Variants in RORB observed in about 807,000 individuals in gnomAD.
The protein encoded by RORB is nuclear receptor ROR-beta.
In RORB, 6 loss-of-function variants were observed where a neutral mutation model predicts 59.1. That is an observed-to-expected ratio of 0.10 (90% confidence interval 0.06 to 0.20). RORB has a LOEUF of 0.20. RORB is among the 10% of genes least tolerant of loss of function. The pLI is 1.00. For missense variants in RORB, 320 were observed against 560.5 expected (o/e 0.57, Z 4.33); for synonymous variants, 215 against 204.5 (o/e 1.05, Z -0.44).
At chr9:74,649,370 T>C (rs1167782197) in intron 4 of RORB, among the ~76,000 whole-genome samples, 2 of 152,130 alleles carry the variant, frequency 1.3e-5, no homozygotes, top group African/African-American at 2.4e-5. Flanking sequence ...CCACAGAATA[T>C]CTCCCAAAGC....
At chr9:74,560,750 A>G (rs1822385409) in intron 1 of RORB, among the ~76,000 whole-genome samples, 1 of 152,044 alleles carries the variant, frequency 6.6e-6, no homozygotes, top group African/African-American at 2.4e-5. Flanking sequence ...ATGGTACGTG[A>G]TTATCACAGT....
chr9:74,592,222 T>C (rs1476826724), intron 1 of RORB, among the ~76,000 whole-genome samples: 3 of 152,202 alleles, frequency 2.0e-5, no homozygotes, highest in Non-Finnish European at 2.9e-5. Flanking sequence ...AGAGTTTACT[T>C]TCTTGCTAGA....
intron 1 of RORB, among the ~76,000 whole-genome samples, chr9:74,543,606 AT>A (rs146569177): frequency 9.3e-5 from 14 of 150,658 alleles, no homozygotes; most frequent in Non-Finnish European, 1.3e-4. Flanking sequence ...TTTGAGTTTA[AT>A]TTTTTTTTTA....
At chr9:74,543,964 C>T (rs1195360726) in intron 1 of RORB, among the ~76,000 whole-genome samples, 2 of 152,288 alleles carry the variant, frequency 1.3e-5, no homozygotes, top group Non-Finnish European at 1.5e-5. Flanking sequence ...AAACTAGACT[C>T]AAGCTGCTAG....
At chr9:74,645,615 T>C (rs536040925) in intron 4 of RORB, among the ~76,000 whole-genome samples, 22 of 152,320 alleles carry the variant, frequency 1.4e-4, no homozygotes, top group Admixed American at 1.2e-3. Flanking sequence ...GTTATTTTAA[T>C]TGACTATTAG....
At chr9:74,630,183 T>A (rs1458158431) in intron 1 of RORB, 99 bp from the exon 2 acceptor site, 1 of 1,473,484 alleles carries the variant, frequency 6.8e-7, no homozygotes, top group African/African-American at 1.4e-5. Context: ...TATTTTCAAA[T>A]ACAAACATCA....
At chr9:74,604,145 G>A (rs1005295105) in intron 1 of RORB, among the ~76,000 whole-genome samples, 1 of 152,078 alleles carries the variant, frequency 6.6e-6, no homozygotes, top group East Asian at 1.9e-4. Flanking sequence ...TCTCCAATAA[G>A]GCAGGACATA....
At chr9:74,518,153 C>T (rs1307181705) in intron 1 of RORB, among the ~76,000 whole-genome samples, 1 of 151,978 alleles carries the variant, frequency 6.6e-6, no homozygotes, top group Non-Finnish European at 1.5e-5. Flanking sequence ...TTCTGGGGTA[C>T]ACCTCCCTTA....
chr9:74,613,903 T>C (rs542558088), intron 1 of RORB, among the ~76,000 whole-genome samples: 1 of 152,344 alleles, frequency 6.6e-6, no homozygotes, highest in African/African-American at 2.4e-5. Flanking sequence ...TTAAAGGTCA[T>C]GATTTTATTA....
intron 1 of RORB, among the ~76,000 whole-genome samples, chr9:74,595,089 T>G (rs1822951699): frequency 6.6e-6 from 1 of 152,192 alleles, no homozygotes; most frequent in African/African-American, 2.4e-5. Flanking sequence ...GTTGAGTCAC[T>G]GTCCCAGAAA....
intron 4 of RORB, among the ~76,000 whole-genome samples, chr9:74,654,035 T>G (rs1343197049): frequency 6.6e-6 from 1 of 152,240 alleles, no homozygotes; most frequent in African/African-American, 2.4e-5. Context: ...TTAGGTAATT[T>G]GGATGACTTG....
chr9:74,518,463 A>G (rs902142393), intron 1 of RORB, among the ~76,000 whole-genome samples: 1 of 152,000 alleles, frequency 6.6e-6, no homozygotes, highest in African/African-American at 2.4e-5. Flanking sequence ...TTGCTATCTC[A>G]CAAAAGACAG....
chr9:74,619,941 G>C (rs1249944362), intron 1 of RORB, among the ~76,000 whole-genome samples: 1 of 152,132 alleles, frequency 6.6e-6, no homozygotes, highest in Non-Finnish European at 1.5e-5. Context: ...GATTCGGTTT[G>C]CCAGTATTTT....
intron 1 of RORB, among the ~76,000 whole-genome samples, chr9:74,579,084 A>G (rs1822680311): frequency 6.6e-6 from 1 of 152,114 alleles, no homozygotes; most frequent in Non-Finnish European, 1.5e-5. Context: ...ATTAAATTAT[A>G]TTTTTGAGAT....
chr9:74,599,597 G>A (rs574920973), intron 1 of RORB, among the ~76,000 whole-genome samples: 29 of 152,290 alleles, frequency 1.9e-4, no homozygotes, highest in African/African-American at 6.5e-4. Flanking sequence ...AAAAGGCTTT[G>A]TGAATGCTAA....
intron 1 of RORB, among the ~76,000 whole-genome samples, chr9:74,548,961 A>G (rs1826545843): frequency 6.6e-6 from 1 of 152,216 alleles, no homozygotes; most frequent in African/African-American, 2.4e-5. Context: ...TCTTTTAAAT[A>G]AAATATATTA....
intron 8 of RORB, among the ~76,000 whole-genome samples, chr9:74,668,297 G>A (rs371922919): frequency 5.3e-5 from 8 of 152,202 alleles, no homozygotes; most frequent in African/African-American, 1.9e-4. Flanking sequence ...CCAGAATGGG[G>A]ACCTACATAA....
intron 9 of RORB, among the ~76,000 whole-genome samples, chr9:74,678,219 C>T (rs1418651158): frequency 6.6e-6 from 1 of 152,174 alleles, no homozygotes; most frequent in Non-Finnish European, 1.5e-5. Context: ...AGAATTTGAA[C>T]CCAGTTAAGC....
At chr9:74,620,178 T>C (rs1350546105) in intron 1 of RORB, among the ~76,000 whole-genome samples, 1 of 152,128 alleles carries the variant, frequency 6.6e-6, no homozygotes, top group Non-Finnish European at 1.5e-5. Context: ...GTCCTGGACT[T>C]TTTTTGGTTG....
Sources: gnomAD v4.1 joint callset for allele counts (sites outside exome capture counted in the v4.1 genomes callset) on GRCh38, gnomAD v4.1.1 for gene constraint, MANE v1.5 for transcripts, NCBI Gene and HGNC (gene_info 2026-07-23, HGNC 2026-07-21) for gene names.